Variants in CENPP observed in about 807,000 individuals in gnomAD.
CENPP encodes centromere protein P.
Under a neutral mutation model 35.6 loss-of-function variants are expected in CENPP, and 24 were observed. The ratio of observed to expected loss-of-function variants is 0.67; its 90% CI spans 0.49 to 0.95. CENPP has a LOEUF of 0.95. Ranked by LOEUF, CENPP falls within the 40% of genes least tolerant of loss-of-function variation. The pLI is 0.00. For synonymous variants in CENPP, 120 were observed against 125.5 expected, an observed-to-expected ratio of 0.96 and a Z score of 0.29; for missense variants, 332 against 345.3, an observed-to-expected ratio of 0.96 and a Z score of 0.31.
In CENPP at chr9:92,617,491, C is replaced by A. The variant is rs948879383; in HGVS notation, c.*4342C>A. On this transcript the variant is annotated 3_prime_UTR_variant, in exon 8 of 8. Coordinates refer to ENST00000375587, the MANE Select transcript of CENPP (RefSeq NM_001012267.3). ...GGCACCAGCTCCTGACACAGAAATG[C>A]TCTTCTTCCCCCTCAGTACCCCGGA... 7.2e-5 allele frequency: 11 copies of A among 152,870 alleles called. No homozygotes were observed. The highest frequency in any genetic ancestry group is 2.7e-4 in the African/African-American group (11 of 41,488). 9.5% of individuals were successfully genotyped at this position (152,870 alleles called of 1,614,324 possible).
At chr9:92,489,810 A>G (rs980233788) in intron 5 of CENPP, among the ~76,000 whole-genome samples, 1 of 152,018 alleles carries the variant, frequency 6.6e-6, no homozygotes. Flanking sequence ...TTAATTTCCC[A>G]CCTACTCCTC....
intron 5 of CENPP, among the ~76,000 whole-genome samples, chr9:92,390,318 T>C (rs1842618863): frequency 6.6e-6 from 1 of 152,250 alleles, no homozygotes; most frequent in Admixed American, 6.5e-5. Context: ...CTTTTCATCT[T>C]TCTCTGTTCA....
At chr9:92,375,547 C>T (rs1010030518) in intron 4 of CENPP, among the ~76,000 whole-genome samples, 17 of 152,204 alleles carry the variant, frequency 1.1e-4, no homozygotes, top group East Asian at 7.7e-4. Context: ...CCGCCCACCT[C>T]GGCCTCCCAA....
At chr9:92,600,688 A>G (rs1480294349) in intron 5 of CENPP, among the ~76,000 whole-genome samples, 3 of 152,190 alleles carry the variant, frequency 2.0e-5, no homozygotes, top group African/African-American at 4.8e-5. Flanking sequence ...AAGTGCTGCA[A>G]TGACATTCCA....
chr9:92,411,809 A>G (rs1258440768), intron 5 of CENPP, among the ~76,000 whole-genome samples: 1 of 152,154 alleles, frequency 6.6e-6, no homozygotes, highest in Non-Finnish European at 1.5e-5. Context: ...TGTTCTCTCT[A>G]CTTTTGCCAG....
At chr9:92,548,101 A>G (rs1364301960) in intron 5 of CENPP, among the ~76,000 whole-genome samples, 2 of 152,220 alleles carry the variant, frequency 1.3e-5, no homozygotes, top group Non-Finnish European at 1.5e-5. Context: ...ATATATAAAA[A>G]TAAATAGTGG....
intron 5 of CENPP, among the ~76,000 whole-genome samples, chr9:92,443,738 C>T (rs2895218): frequency 0.058 from 8,740 of 151,928 alleles, 900 homozygotes; most frequent in East Asian, 0.43. Flanking sequence ...CGGCTCACTG[C>T]GACCTCCACC....
chr9:92,369,519 TTATCTC>T (rs1384893058), intron 4 of CENPP, among the ~76,000 whole-genome samples: 2 of 152,332 alleles, frequency 1.3e-5, no homozygotes, highest in East Asian at 1.9e-4. Context: ...AAATTGTTGA[TTATCTC>T]TAGAGATTGG....
At chr9:92,567,181 T>C (rs1849986565) in intron 5 of CENPP, among the ~76,000 whole-genome samples, 1 of 151,976 alleles carries the variant, frequency 6.6e-6, no homozygotes, top group Non-Finnish European at 1.5e-5. Flanking sequence ...GAAAGGACCA[T>C]AGACAGCAAC....
intron 1 of CENPP, among the ~76,000 whole-genome samples, chr9:92,327,746 T>C (rs1265087941): frequency 6.6e-6 from 1 of 152,192 alleles, no homozygotes; most frequent in Non-Finnish European, 1.5e-5. Context: ...AGTTAGCATC[T>C]GGTGGTGGAT....
intron 5 of CENPP, among the ~76,000 whole-genome samples, chr9:92,567,369 GATAGATATAT>G (rs1269857930): frequency 1.9e-5 from 2 of 104,096 alleles, no homozygotes; most frequent in East Asian, 3.0e-4. Flanking sequence ...AGTTACATAA[GATAGATATAT>G]ATATATATAT....
chr9:92,345,929 C>T, intron 4 of CENPP, 142 bp downstream of exon 4: 1 of 566,118 alleles, frequency 1.8e-6, no homozygotes, highest in Non-Finnish European at 3.1e-6. Flanking sequence ...TATATTTGAG[C>T]CCATATTCTC....
intron 5 of CENPP, among the ~76,000 whole-genome samples, chr9:92,525,893 C>CAAAA (rs71362395): frequency 1.6e-4 from 7 of 43,888 alleles, no homozygotes; most frequent in African/African-American, 2.5e-4. Context: ...ACTCTATCTC[C>CAAAA]AAAAAAAAAA....
intron 5 of CENPP, among the ~76,000 whole-genome samples, chr9:92,439,962 C>A (rs1021721187): frequency 2.0e-5 from 3 of 152,212 alleles, no homozygotes; most frequent in African/African-American, 7.2e-5. Flanking sequence ...GTTTTGCTTT[C>A]CCCCATTTGA....
intron 5 of CENPP, among the ~76,000 whole-genome samples, chr9:92,554,405 A>G (rs1033450670): frequency 6.6e-6 from 1 of 150,902 alleles, no homozygotes; most frequent in African/African-American, 2.4e-5. Flanking sequence ...CTGGTCTTGA[A>G]CTCCTGACCT....
At chr9:92,611,169 A>G (rs2131400035) in intron 5 of CENPP, 145 bp from the exon 6 acceptor site, 1 of 678,512 alleles carries the variant, frequency 1.5e-6, no homozygotes, top group Non-Finnish European at 2.7e-6. Context: ...AGCAAGGGCA[A>G]GAGGGGCGGT....
At chr9:92,582,171 C>T (rs912842653) in intron 5 of CENPP, among the ~76,000 whole-genome samples, 5 of 152,112 alleles carry the variant, frequency 3.3e-5, no homozygotes, top group East Asian at 1.9e-4. Flanking sequence ...CTCCCACCTC[C>T]GCCTCCCAAG....
chr9:92,392,469 A>G (rs1266589110), intron 5 of CENPP, among the ~76,000 whole-genome samples: 2 of 152,036 alleles, frequency 1.3e-5, no homozygotes, highest in African/African-American at 4.8e-5. Context: ...TAAAAATACA[A>G]ATATTAGCCA....
chr9:92,525,326 A>G (rs1010973501), intron 5 of CENPP, among the ~76,000 whole-genome samples: 1 of 152,062 alleles, frequency 6.6e-6, no homozygotes, highest in African/African-American at 2.4e-5. Context: ...TCAAAAAAAA[A>G]AAAAGAAAAG....
Sources: allele counts gnomAD v4.1 joint callset (sites outside exome capture counted in the v4.1 genomes callset), GRCh38; gene constraint gnomAD v4.1.1; transcripts MANE v1.5; gene names NCBI Gene and HGNC (gene_info 2026-07-23, HGNC 2026-07-21).